The following MANBA variants were observed in gnomAD, a reference collection of about 807,000 sequenced individuals.
MANBA encodes mannosidase beta.
In MANBA, 83 loss-of-function variants were observed where a neutral mutation model predicts 111.1. That is an observed-to-expected ratio of 0.75 (90% CI 0.63 to 0.90). The LOEUF is 0.90. Among genes scored for constraint, MANBA ranks in the 40% least tolerant of loss-of-function variants. MANBA has a pLI of 0.00. For missense variants in MANBA, 1,036 were observed against 1,069.0 expected, an observed-to-expected ratio of 0.97 and a Z score of 0.43; for synonymous variants, 370 against 378.7, an observed-to-expected ratio of 0.98 and a Z score of 0.27.
At chr4:102,708,577 C>A (rs1341784294) in intron 5 of MANBA, among the ~76,000 whole-genome samples, 1 of 151,906 alleles carries the variant, frequency 6.6e-6, no homozygotes, top group East Asian at 1.9e-4. Flanking sequence ...AACAACCTAA[C>A]AATGCTCCTC....
chr4:102,656,245 C>T (rs1730553015), intron 12 of MANBA, among the ~76,000 whole-genome samples: 1 of 152,062 alleles, frequency 6.6e-6, no homozygotes, highest in Non-Finnish European at 1.5e-5. Flanking sequence ...CAAAGCAAGA[C>T]CCTGTCTCTA....
chr4:102,738,575 C>T (rs886324842), intron 1 of MANBA, among the ~76,000 whole-genome samples: 1 of 152,194 alleles, frequency 6.6e-6, no homozygotes, highest in Non-Finnish European at 1.5e-5. Context: ...CAAGGGAATA[C>T]CCCATGGGAC....
Position 102,722,920 on chromosome 4 carries a change from C to G in MANBA, c.500G>C (p.Cys167Ser). The G allele has an allele frequency of 6.2e-7, 1 of 1,614,178 alleles. No homozygotes were observed. The highest frequency in any genetic ancestry group is 8.5e-7 in the Non-Finnish European group (1 of 1,179,998). Residue 167 changes from cysteine (C) to serine (S), a missense_variant, in exon 4 of 17, where the codon TGC becomes TCC. Physicochemically the swap from Cys to Ser is moderately radical, Grantham distance 112. Transcript: ENST00000647097. ...TTCACCCTTCTGCACAAGTGGAGGGCAGTCTGGGGGAACCTGGTAGCGAGT... is the reference window on the plus strand; with the variant it reads ...TTCACCCTTCTGCACAAGTGGAGGGGAGTCTGGGGGAACCTGGTAGCGAGT... ...AHTRYQVPPDCPPLVQKGECH... is the reference protein window; with the variant it reads ...AHTRYQVPPDSPPLVQKGECH...
At chr4:102,730,794 A>G in intron 1 of MANBA, 1 of 438,938 alleles carries the variant, frequency 2.3e-6, no homozygotes, top group Non-Finnish European at 4.5e-6. Context: ...TTAGCTTGTT[A>G]ATTTCCTTAT....
chr4:102,663,490 T>C (rs1295199940), intron 11 of MANBA, among the ~76,000 whole-genome samples: 1 of 152,244 alleles, frequency 6.6e-6, no homozygotes, highest in Non-Finnish European at 1.5e-5. Flanking sequence ...TGTAAATATT[T>C]TTTAAAATTT....
chr4:102,715,385 A>G (rs1031802655), intron 4 of MANBA, among the ~76,000 whole-genome samples: 10 of 152,234 alleles, frequency 6.6e-5, no homozygotes, highest in Admixed American at 6.5e-4. Flanking sequence ...AGCCAGAGGC[A>G]CCCAGCTGAG....
chr4:102,704,962 A>C (rs901283286), intron 5 of MANBA, among the ~76,000 whole-genome samples: 6 of 152,246 alleles, frequency 3.9e-5, no homozygotes, highest in African/African-American at 1.4e-4. Context: ...TTCAAAAATG[A>C]GGGAGGAGCT....
intron 9 of MANBA, among the ~76,000 whole-genome samples, chr4:102,669,707 A>T (rs6847587): frequency 2.6e-5 from 4 of 151,806 alleles, no homozygotes; most frequent in African/African-American, 4.8e-5. Flanking sequence ...TAGGCCAGGC[A>T]CGGTGGCTCA....
At chr4:102,672,077 G>T (rs1448133365) in intron 8 of MANBA, 2 of 398,526 alleles carry the variant, frequency 5.0e-6, no homozygotes, top group African/African-American at 2.1e-5. Flanking sequence ...AGGAGCATTT[G>T]AAAAGGAAAA....
intron 5 of MANBA, among the ~76,000 whole-genome samples, chr4:102,700,028 A>C (rs1732942950): frequency 6.6e-6 from 1 of 151,454 alleles, no homozygotes; most frequent in Non-Finnish European, 1.5e-5. Context: ...TATTGCCACA[A>C]TTTCAGATCC....
chr4:102,704,613 CAT>C (rs1193353020), intron 5 of MANBA, among the ~76,000 whole-genome samples: 1 of 152,064 alleles, frequency 6.6e-6, no homozygotes, highest in African/African-American at 2.4e-5. Context: ...GTGCCTGCCT[CAT>C]AGTATATACC....
chr4:102,682,379 T>C (rs1046193744), intron 7 of MANBA, among the ~76,000 whole-genome samples: 1 of 152,060 alleles, frequency 6.6e-6, no homozygotes, highest in East Asian at 1.9e-4. Context: ...CAGTATATAG[T>C]AATAATGAAA....
intron 2 of MANBA, among the ~76,000 whole-genome samples, chr4:102,725,520 T>A (rs908486460): frequency 1.3e-5 from 2 of 152,212 alleles, no homozygotes; most frequent in African/African-American, 2.4e-5. Context: ...ATCTTTCAGC[T>A]GTATTTTCAC....
At chr4:102,728,205 G>A (rs1425934744) in intron 1 of MANBA, 1 of 538,248 alleles carries the variant, frequency 1.9e-6, no homozygotes, top group Non-Finnish European at 3.8e-6. Flanking sequence ...AGCTCCCTTG[G>A]GGCTGGACTC....
At chr4:102,755,793 C>A (rs1723988329) in intron 1 of MANBA, among the ~76,000 whole-genome samples, 1 of 152,030 alleles carries the variant, frequency 6.6e-6, no homozygotes. Context: ...ATCAAACAAC[C>A]CCATCAAAAA....
At chr4:102,666,990 C>T (rs1395967186) in intron 10 of MANBA, 2 of 152,136 alleles carry the variant, frequency 1.3e-5, no homozygotes, top group Admixed American at 6.5e-5. Flanking sequence ...CATCTGCAGA[C>T]ACTATAATAT....
At chr4:102,727,623 G>C in intron 1 of MANBA, 1 of 1,548,124 alleles carries the variant, frequency 6.5e-7, no homozygotes, top group Non-Finnish European at 8.9e-7. Context: ...CAGTGCCCAT[G>C]TTGTTGTATT....
At chr4:102,728,186 G>A (rs1722884153) in intron 1 of MANBA, 3 of 538,848 alleles carry the variant, frequency 5.6e-6, no homozygotes, top group Non-Finnish European at 1.1e-5. Flanking sequence ...CTCTATGTGA[G>A]GCTGTTCCAG....
Position 102,688,474 on chromosome 4 carries a change from C to T in MANBA, c.960+1100G>A, listed in dbSNP as rs138071176. Among the ~76,000 whole-genome samples, 25 of 151,380 alleles carry T rather than the reference C, an allele frequency of 1.7e-4. 1 individual carries two copies. The East Asian group carries it at 3.7e-3, about 23-fold the overall frequency. Reference sequence around the variant, plus strand: ...TTGAACAAAAGAAAAACAGAAAATGCACTCCTGAAGGACATATCTCCATCC... The same window carrying T: ...TTGAACAAAAGAAAAACAGAAAATGTACTCCTGAAGGACATATCTCCATCC... On this transcript the variant is annotated intron_variant, in intron 7 of 16. Transcript: ENST00000647097.
Sources: gnomAD v4.1 joint callset for allele counts (sites outside exome capture counted in the v4.1 genomes callset) on GRCh38, gnomAD v4.1.1 for gene constraint, MANE v1.5 for transcripts, NCBI Gene and HGNC (gene_info 2026-07-23, HGNC 2026-07-21) for gene names.